The following OPCML variants were observed in gnomAD, a reference collection of about 807,000 sequenced individuals.
The protein encoded by OPCML is opioid-binding protein/cell adhesion molecule.
A neutral mutation model predicts 37.8 loss-of-function variants in OPCML; 13 were observed. The ratio of observed to expected loss-of-function variants is 0.34; its 90% CI spans 0.22 to 0.55. The LOEUF (loss-of-function observed/expected upper bound fraction) is 0.55. Ranked by LOEUF, OPCML falls within the 20% of genes least tolerant of loss-of-function variation. The pLI, the probability that OPCML is intolerant of heterozygous loss-of-function variation, is 0.91. For missense variants in OPCML, 341 were observed against 435.6 expected (o/e 0.78, Z 1.93); for synonymous variants, 176 against 168.8 (o/e 1.04, Z -0.33).
chr11:133,408,907 G>A (rs7937044), intron 1 of OPCML, among the ~76,000 whole-genome samples: 13,783 of 152,210 alleles, frequency 0.091, 1,826 homozygotes, highest in African/African-American at 0.29. Flanking sequence ...TAGTTCAATC[G>A]TCTCTCTTAC....
chr11:132,437,751 A>G (rs567294309), intron 4 of OPCML, among the ~76,000 whole-genome samples: 1 of 152,374 alleles, frequency 6.6e-6, no homozygotes, highest in South Asian at 2.1e-4. Context: ...GAATAACTTT[A>G]GGGTATGTTA....
At chr11:132,599,444 G>GGAGGAGGAA (rs1565698653) in intron 3 of OPCML, among the ~76,000 whole-genome samples, 1 of 151,558 alleles carries the variant, frequency 6.6e-6, no homozygotes, top group Non-Finnish European at 1.5e-5. Context: ...GGAGAAGGAA[G>GGAGGAGGAA]GAGGAGGAAG....
chr11:132,942,887 GC>G, intron 2 of OPCML, 38 bp downstream of exon 2: 1 of 1,606,942 alleles, frequency 6.2e-7, no homozygotes, highest in Non-Finnish European at 8.5e-7. Context: ...AGCGACCACA[GC>G]CCAGGGGCTC....
intron 1 of OPCML, chr11:133,004,162 C>T: frequency 1.0e-6 from 1 of 985,410 alleles, no homozygotes; most frequent in South Asian, 4.7e-5. Context: ...GAGAGTGGGT[C>T]TCACTCCTCT....
intron 3 of OPCML, among the ~76,000 whole-genome samples, chr11:132,627,466 A>T (rs1939817853): frequency 6.6e-6 from 1 of 152,232 alleles, no homozygotes; most frequent in African/African-American, 2.4e-5. Context: ...ACATGTAGGT[A>T]TGGCCTCTGC....
intron 1 of OPCML, among the ~76,000 whole-genome samples, chr11:132,994,340 G>C (rs1221482652): frequency 6.6e-6 from 1 of 152,184 alleles, no homozygotes; most frequent in Non-Finnish European, 1.5e-5. Context: ...CCACACAAAA[G>C]ACTAAACCTA....
At chr11:133,341,448 C>A (rs1943867562) in intron 1 of OPCML, among the ~76,000 whole-genome samples, 1 of 152,172 alleles carries the variant, frequency 6.6e-6, no homozygotes, top group Non-Finnish European at 1.5e-5. Context: ...CTTTGACTGA[C>A]TTTCAGGTGC....
chr11:132,478,708 G>A lies in OPCML; in HGVS notation c.506-41349C>T, dbSNP rs755573615. Among the ~76,000 whole-genome samples the A allele has an allele frequency of 3.9e-5, 6 of 152,120 alleles. No homozygotes were observed. In the East Asian group the frequency reaches 9.6e-4, roughly 24 times the overall value. On this transcript the variant is annotated intron_variant, in intron 4 of 7. Coordinates refer to ENST00000524381, the MANE Select transcript of OPCML (RefSeq NM_001012393.5). The stretch of plus-strand genomic sequence containing the variant: ...TTATCATCAAGATAATACTGCTTGA[G>A]CCTAGTAAAGTTCTTAAGTTTGTTT...
intron 1 of OPCML, among the ~76,000 whole-genome samples, chr11:132,952,997 G>A (rs1004715059): frequency 3.9e-5 from 6 of 152,144 alleles, no homozygotes; most frequent in Admixed American, 1.3e-4. Context: ...AGGCATGTAA[G>A]ATTTACACTG....
chr11:133,159,842 G>A (rs947591827), intron 1 of OPCML, among the ~76,000 whole-genome samples: 3 of 152,160 alleles, frequency 2.0e-5, no homozygotes, highest in Non-Finnish European at 4.4e-5. Context: ...CAGGGCACGC[G>A]AGTTCTCATC....
At chr11:132,955,111 C>A (rs73026229) in intron 1 of OPCML, among the ~76,000 whole-genome samples, 3 of 152,098 alleles carry the variant, frequency 2.0e-5, no homozygotes, top group Admixed American at 2.0e-4. Context: ...AAAACAAATG[C>A]GGTCCAGGGT....
intron 2 of OPCML, among the ~76,000 whole-genome samples, chr11:132,831,431 G>A (rs951286925): frequency 3.9e-5 from 6 of 152,268 alleles, no homozygotes; most frequent in South Asian, 2.1e-4. Flanking sequence ...CATCACAGGC[G>A]ATGAGAACTG....
intron 1 of OPCML, chr11:133,420,559 A>G (rs1565625007): frequency 1.0e-6 from 1 of 983,754 alleles, no homozygotes; most frequent in Non-Finnish European, 1.2e-6. Flanking sequence ...CATCATTAAC[A>G]TGCTATTTAC....
At chr11:133,328,395 T>C (rs1028400897) in intron 1 of OPCML, among the ~76,000 whole-genome samples, 1 of 152,100 alleles carries the variant, frequency 6.6e-6, no homozygotes, top group African/African-American at 2.4e-5. Flanking sequence ...TGACCTCAGG[T>C]GATCCACCTG....
At chr11:133,333,126 T>G (rs190028964) in intron 1 of OPCML, among the ~76,000 whole-genome samples, 261 of 152,258 alleles carry the variant, frequency 1.7e-3, no homozygotes, top group African/African-American at 5.8e-3. Context: ...TGGTGTGATC[T>G]CAGCACACTG....
chr11:133,480,489 C>T (rs546330991), intron 1 of OPCML, among the ~76,000 whole-genome samples: 17 of 152,302 alleles, frequency 1.1e-4, no homozygotes, highest in Admixed American at 7.2e-4. Context: ...TTGCTCGCCA[C>T]GTGACTTAAG....
intron 1 of OPCML, among the ~76,000 whole-genome samples, chr11:133,355,002 A>G (rs1028169488): frequency 1.3e-5 from 2 of 152,242 alleles, no homozygotes; most frequent in Non-Finnish European, 2.9e-5. Flanking sequence ...AAAGAAAATG[A>G]CTAGCTACTA....
intron 1 of OPCML, among the ~76,000 whole-genome samples, chr11:133,054,831 G>A (rs1165690156): frequency 6.6e-6 from 1 of 152,070 alleles, no homozygotes; most frequent in Non-Finnish European, 1.5e-5. Context: ...TCCAAGTGGT[G>A]AGACCCCATG....
At chr11:133,229,463 A>G (rs1218067211) in intron 1 of OPCML, among the ~76,000 whole-genome samples, 1 of 152,200 alleles carries the variant, frequency 6.6e-6, no homozygotes, top group South Asian at 2.1e-4. Context: ...TTAAGGGAAA[A>G]GGATTTTCCT....
Sources: allele counts gnomAD v4.1 joint callset (sites outside exome capture counted in the v4.1 genomes callset), GRCh38; gene constraint gnomAD v4.1.1; transcripts MANE v1.5; gene names NCBI Gene and HGNC (gene_info 2026-07-23, HGNC 2026-07-21).